ACOT7: variants seen among roughly 807,000 people sequenced by gnomAD.
ACOT7 encodes acyl-CoA thioesterase 7.
In ACOT7, 12 loss-of-function variants were observed where a neutral mutation model predicts 40.2. The ratio of observed to expected loss-of-function variants is 0.30; its 90% CI spans 0.19 to 0.48. The LOEUF is 0.48. Ranked by LOEUF, ACOT7 falls within the 20% of genes least tolerant of loss-of-function variation. The probability of loss-of-function intolerance (pLI) is 0.99; values close to 1 mark genes in which losing one functional copy is unlikely to be tolerated. For synonymous variants in ACOT7, 228 were observed against 219.5 expected (o/e 1.04, Z -0.34); for missense variants, 395 against 530.8 (o/e 0.74, Z 2.51).
At position 6,327,524 on chromosome 1, in the gene ACOT7, C is replaced by G; in HGVS notation, c.511-111G>C. ...CCTTGTGTAACTGGGACTATTTTTTCTTCTGTTCATGTGTGTTTTAATATA... is the reference window on the plus strand; with the variant it reads ...CCTTGTGTAACTGGGACTATTTTTTGTTCTGTTCATGTGTGTTTTAATATA... On this transcript the variant is annotated intron_variant, in intron 4 of 8. Coordinates refer to ENST00000361521, the MANE Select transcript of ACOT7 (RefSeq NM_007274.4). 7 of 855,286 alleles carry G rather than the reference C, an allele frequency of 8.2e-6. 1 individual carries two copies. The Middle Eastern group carries it at 1.6e-3, about 191-fold the overall frequency. The allele number at this position is 855,286 out of a possible 1,614,324, so 53.0% of individuals were successfully genotyped here. A position where few individuals can be genotyped will look rare whatever the true frequency, so the allele number is the denominator to read the frequency against.
At chr1:6,327,872 C>G (rs1640849171) in intron 4 of ACOT7, among the ~76,000 whole-genome samples, 1 of 152,126 alleles carries the variant, frequency 6.6e-6, no homozygotes, top group Admixed American at 6.5e-5. Context: ...CTCCCGGGTT[C>G]AAGTGATTCT....
Position 6,333,501 on chromosome 1 carries a change from C to T in ACOT7, c.486G>A (p.Lys162=). 2 of 1,614,218 alleles carry T rather than the reference C, an allele frequency of 1.2e-6. No individual in the cohort carries two copies. Among genetic ancestry groups the T allele is most frequent in the Non-Finnish European group, 1.7e-6 (2 of 1,180,022 alleles). Residue 162 remains lysine (K), a synonymous_variant, in exon 4 of 9, where the codon AAG becomes AAA. Coordinates refer to ENST00000361521, the MANE Select transcript of ACOT7 (RefSeq NM_007274.4). ...CCACAACAGGAGGCACCTCGAGGACCTTGTCCACATTCTTCAGCGACAGGG... is the reference window on the plus strand; with the variant it reads ...CCACAACAGGAGGCACCTCGAGGACTTTGTCCACATTCTTCAGCGACAGGG... ...YVPLSLKNVD[K]VLEVPPVVYS... is the part of the protein sequence containing the mutation.
At chr1:6,313,592 T>C (rs567021457) in intron 6 of ACOT7, among the ~76,000 whole-genome samples, 3 of 152,260 alleles carry the variant, frequency 2.0e-5, no homozygotes, top group Admixed American at 6.5e-5. Flanking sequence ...CACCCACAGA[T>C]GTGGCCACAT....
At chr1:6,314,748 AC>A (rs1640434612) in intron 6 of ACOT7, among the ~76,000 whole-genome samples, 1 of 152,150 alleles carries the variant, frequency 6.6e-6, no homozygotes, top group African/African-American at 2.4e-5. Context: ...ATGCCCTTCA[AC>A]CCAGAACTGC....
At chr1:6,329,569 G>A (rs1004282361) in intron 4 of ACOT7, among the ~76,000 whole-genome samples, 4 of 151,794 alleles carry the variant, frequency 2.6e-5, no homozygotes, top group Non-Finnish European at 5.9e-5. Flanking sequence ...CTTGGCAGGC[G>A]CACAGGGAAA....
chr1:6,385,041 T>A (rs548429674), intron 1 of ACOT7, among the ~76,000 whole-genome samples: 1 of 152,046 alleles, frequency 6.6e-6, no homozygotes, highest in East Asian at 1.9e-4. Flanking sequence ...TGTAAGCAGC[T>A]CAACACTGCA....
chr1:6,349,482 G>A (rs1383820997), intron 2 of ACOT7, among the ~76,000 whole-genome samples: 1 of 152,256 alleles, frequency 6.6e-6, no homozygotes, highest in Non-Finnish European at 1.5e-5. Context: ...GGGGGACTCG[G>A]CATGGCGGGG....
At position 6,329,369 on chromosome 1, in the gene ACOT7, A is replaced by T. The variant is rs191843292; in HGVS notation, c.511-1956T>A. On this transcript the variant is annotated intron_variant, in intron 4 of 8. Transcript: ENST00000361521. ...AATTCAACCTTTTCCTCCATAAATA[A>T]ACCACGTCCTAATGTTCCACCGGCC... 2.0e-5 allele frequency among the ~76,000 whole-genome samples: 3 copies of T among 152,262 alleles called. No homozygotes were observed. The East Asian group carries it at 5.8e-4, about 29-fold the overall frequency.
At position 6,393,582 on chromosome 1, in the gene ACOT7, GC is replaced by G; in HGVS notation, c.-184del. 2.3e-6 allele frequency: 1 copy of G among 434,870 alleles called. No homozygotes were observed. Among genetic ancestry groups the G allele is most frequent in the Non-Finnish European group, 3.6e-6 (1 of 278,666 alleles). 26.9% of individuals were successfully genotyped at this position (434,870 alleles called of 1,614,324 possible). On this transcript the variant is annotated 5_prime_UTR_variant, in exon 1 of 9. Transcript: ENST00000361521. ...GGCGTACGATTCTGGCGGCGTGGGG[GC>G]CCAGGCAGCCGCCGCTTCCAGAAGG...
chr1:6,305,204 C>G (rs1255963543), intron 6 of ACOT7, among the ~76,000 whole-genome samples: 7 of 148,794 alleles, frequency 4.7e-5, no homozygotes, highest in Admixed American at 4.0e-4. Flanking sequence ...GGGGGGCTGT[C>G]CCCCCCACAT....
Position 6,264,767 on chromosome 1 carries a change from C to T in ACOT7, c.1015-72G>A. ...CAGTGCCGTGGCCTTGTGACCTGGC[C>T]TGGGGCCCTGCCCCCCACCCGTGGG... On this transcript the variant is annotated intron_variant, in intron 8 of 8. Coordinates refer to ENST00000361521, the MANE Select transcript of ACOT7 (RefSeq NM_007274.4). The T allele has an allele frequency of 2.7e-6, 4 of 1,497,984 alleles. No individual in the cohort carries two copies. In the South Asian group the frequency reaches 4.8e-5, roughly 18 times the overall value. The allele number at this position is 1,497,984 out of a possible 1,614,324, so 92.8% of individuals were successfully genotyped here.
Position 6,278,737 on chromosome 1 carries a change from CAA to C in ACOT7, c.1014+2363_1014+2364del, listed in dbSNP as rs1176996256. Among the ~76,000 whole-genome samples the C allele has an allele frequency of 6.6e-6, 1 of 152,166 alleles. No individual in the cohort carries two copies. The highest frequency in any genetic ancestry group is 1.5e-5 in the Non-Finnish European group (1 of 68,028). On this transcript the variant is annotated intron_variant, in intron 8 of 8. Transcript: ENST00000361521. This position sits in a 1 kb window ranked among gnomAD's most constrained non-coding sequence, Gnocchi z 4.1. ...GCCACAGGTTAGGACATGTCAAAGC[CAA>C]GGGTTCGGGGACCGTGTGGTGGCCG...
At chr1:6,302,682 C>T (rs940900289) in intron 6 of ACOT7, among the ~76,000 whole-genome samples, 4 of 151,978 alleles carry the variant, frequency 2.6e-5, no homozygotes, top group East Asian at 1.9e-4. Context: ...TTTAATCAAC[C>T]ACTGTTGATC....
intron 8 of ACOT7, among the ~76,000 whole-genome samples, chr1:6,279,120 C>T (rs573882852): frequency 2.0e-5 from 3 of 152,208 alleles, no homozygotes; most frequent in African/African-American, 7.2e-5. Context: ...ACTTCATGGC[C>T]GAGAAAAGCA....
intron 6 of ACOT7, among the ~76,000 whole-genome samples, chr1:6,313,571 C>T (rs963739193): frequency 1.3e-5 from 2 of 152,228 alleles, no homozygotes; most frequent in Non-Finnish European, 1.5e-5. Flanking sequence ...GTCTGACCAG[C>T]GGCACTCACC....
At chr1:6,308,333 G>A (rs911787657) in intron 6 of ACOT7, among the ~76,000 whole-genome samples, 1 of 150,762 alleles carries the variant, frequency 6.6e-6, no homozygotes. Flanking sequence ...CGGGCAGAGG[G>A]AACCACAACA....
At chr1:6,362,929 C>A (rs1181542506) in intron 1 of ACOT7, among the ~76,000 whole-genome samples, 1 of 152,058 alleles carries the variant, frequency 6.6e-6, no homozygotes, top group Non-Finnish European at 1.5e-5. Context: ...GTGAGCACTG[C>A]GGGTGGCAAG....
chr1:6,298,057 C>G lies in ACOT7; in HGVS notation c.713-3077G>C, dbSNP rs549433454. Among the ~76,000 whole-genome samples the G allele has an allele frequency of 2.0e-5, 3 of 152,266 alleles. No individual in the cohort carries two copies. In the East Asian group the frequency reaches 5.8e-4, roughly 29 times the overall value. Reference sequence around the variant, plus strand: ...GGGGAGGAGGGGCCAGGTTCACGCTCGCTGCACTTTCGCCTGTCCTTTCAA... The same window carrying G: ...GGGGAGGAGGGGCCAGGTTCACGCTGGCTGCACTTTCGCCTGTCCTTTCAA... On this transcript the variant is annotated intron_variant, in intron 6 of 8. Transcript: ENST00000361521.
At chr1:6,312,307 C>G (rs779110236) in intron 6 of ACOT7, among the ~76,000 whole-genome samples, 1 of 152,112 alleles carries the variant, frequency 6.6e-6, no homozygotes, top group Non-Finnish European at 1.5e-5. Context: ...TCAATAATAA[C>G]GTAATTGTAC....
Sources: gnomAD v4.1 joint callset for allele counts (sites outside exome capture counted in the v4.1 genomes callset) on GRCh38, gnomAD v4.1.1 for gene constraint, Gnocchi (gnomAD v3.1) non-coding constraint, MANE v1.5 for transcripts, NCBI Gene and HGNC (gene_info 2026-07-23, HGNC 2026-07-21) for gene names.